STEAP3: variants seen among roughly 807,000 people sequenced by gnomAD.
The protein encoded by STEAP3 is STEAP3 metalloreductase.
STEAP3 carries 35 observed loss-of-function variants against 34.9 expected under a neutral mutation model. That is an observed-to-expected ratio of 1.00 (90% CI 0.76 to 1.33). The LOEUF (loss-of-function observed/expected upper bound fraction) is 1.33. Ranked by LOEUF, STEAP3 falls within the 40% of genes most tolerant of loss-of-function variation. The probability of loss-of-function intolerance (pLI) is 0.00; values close to 1 mark genes in which losing one functional copy is unlikely to be tolerated. For synonymous variants in STEAP3, 281 were observed against 301.6 expected, an observed-to-expected ratio of 0.93 and a Z score of 0.71; for missense variants, 652 against 667.6, an observed-to-expected ratio of 0.98 and a Z score of 0.26.
At chr2:119,227,107 C>A (rs1203158243) in intron 1 of STEAP3, among the ~76,000 whole-genome samples, 1 of 152,206 alleles carries the variant, frequency 6.6e-6, no homozygotes, top group Admixed American at 6.5e-5. Flanking sequence ...TCAACCACCC[C>A]ACAAACACCC....
Position 119,245,912 on chromosome 2 carries a change from C to G in STEAP3, c.446C>G (p.Thr149Ser). The stretch of plus-strand genomic sequence containing the variant: ...GAGTACCTGGCCTCCCTCTTCCCCA[C>G]TTGCACAGTGGTCAAGGCCTTCAAT... ...NAEYLASLFP[T>S]CTVVKAFNVI... The change falls in exon 3 of 6, where the codon ACT (threonine) becomes AGT (serine). Residue 149 changes from threonine to serine, a missense_variant. Thr to Ser is a moderately conservative substitution (Grantham distance 58). Transcript: ENST00000393110. The G allele has an allele frequency of 1.2e-6, 2 of 1,613,986 alleles. No homozygotes were observed. Among genetic ancestry groups the G allele is most frequent in the Non-Finnish European group, 1.7e-6 (2 of 1,180,034 alleles).
chr2:119,256,626 A>G (rs549688433), intron 5 of STEAP3, among the ~76,000 whole-genome samples: 26 of 152,350 alleles, frequency 1.7e-4, no homozygotes, highest in African/African-American at 6.3e-4. Context: ...GGAAATACAA[A>G]TAGGACAGTC....
intron 4 of STEAP3, among the ~76,000 whole-genome samples, chr2:119,250,370 G>A (rs1405396558): frequency 6.6e-6 from 1 of 152,226 alleles, no homozygotes; most frequent in African/African-American, 2.4e-5. Context: ...CAAAGATCTT[G>A]ACCTTGAGCA....
intron 5 of STEAP3, among the ~76,000 whole-genome samples, chr2:119,261,540 C>G (rs1266860919): frequency 6.6e-6 from 1 of 152,118 alleles, no homozygotes; most frequent in African/African-American, 2.4e-5. Flanking sequence ...GCTCTCGGTG[C>G]CCTCTGCTGT....
In STEAP3 at chr2:119,254,750, C is replaced by G; in HGVS notation, c.1117C>G (p.Leu373Val). Residue 373 changes from leucine to valine, a missense_variant, in exon 5 of 6, where the codon CTG (leucine) becomes GTG (valine). Transcript: ENST00000393110. ...CTGGCGGATGGAGATCTACCTCTCC[C>G]TGGGAGTGCTGGCCCTCGGCACGTT... is the stretch of plus-strand genomic sequence containing the variant. ...EVWRMEIYLS[L>V]GVLALGTLSL... 6.2e-7 allele frequency: 1 copy of G among 1,614,174 alleles called. No homozygotes were observed. The highest frequency in any genetic ancestry group is 8.5e-7 in the Non-Finnish European group (1 of 1,180,014).
rs1558761533 is a variant in STEAP3, at chr2:119,263,434, G to GGAGAT, written c.*96_*97insGAGAT. Reference sequence around the variant, plus strand: ...CTTGGTGGTGCAAAGTGGTATAACTGTGTGCAAATAGGAGGTTTGAGGTCC... The same window carrying GGAGAT: ...CTTGGTGGTGCAAAGTGGTATAACTGGAGATTGTGCAAATAGGAGGTTTGAGGTCC... On this transcript the variant is annotated 3_prime_UTR_variant, in exon 6 of 6. Transcript: ENST00000393110. The GGAGAT allele has an allele frequency of 6.6e-7, 1 of 1,524,842 alleles. No homozygotes were observed. Among genetic ancestry groups the GGAGAT allele is most frequent in the African/African-American group, 1.4e-5 (1 of 72,772 alleles). 94.5% of individuals were successfully genotyped at this position (1,524,842 alleles called of 1,614,324 possible). A position where few individuals can be genotyped will look rare whatever the true frequency, so the allele number is the denominator to read the frequency against.
intron 2 of STEAP3, among the ~76,000 whole-genome samples, chr2:119,232,609 A>G (rs1307204657): frequency 6.6e-6 from 1 of 152,218 alleles, no homozygotes; most frequent in Non-Finnish European, 1.5e-5. Flanking sequence ...TCTTATTTGC[A>G]TAAAATGTGC....
At chr2:119,242,178 G>A (rs754696015) in intron 2 of STEAP3, among the ~76,000 whole-genome samples, 6 of 152,210 alleles carry the variant, frequency 3.9e-5, no homozygotes, top group Non-Finnish European at 8.8e-5. Flanking sequence ...CAGGCAGCGG[G>A]GAGAGGGCAG....
chr2:119,224,964 G>T lies in STEAP3; in HGVS notation c.-394+1076G>T, dbSNP rs115355598. Among the ~76,000 whole-genome samples the T allele has an allele frequency of 6.7e-3, 1,014 of 152,278 alleles. 15 individuals carry two copies. Among genetic ancestry groups the T allele is most frequent in the African/African-American group, 0.023 (964 of 41,552 alleles). On this transcript the variant is annotated intron_variant, in intron 1 of 5. Transcript: ENST00000393110. ...CTAGGAAGTTGCAGAAGTAGAATTT[G>T]AACCCAGAGTTATCTGACTTGGAGC... is the stretch of plus-strand genomic sequence containing the variant.
intron 1 of STEAP3, among the ~76,000 whole-genome samples, chr2:119,228,466 G>A (rs1281893143): frequency 3.3e-5 from 5 of 152,222 alleles, no homozygotes; most frequent in Admixed American, 6.5e-5. Context: ...CCCCAACCTG[G>A]GTGAAAGGCC....
chr2:119,257,531 C>G, intron 5 of STEAP3: 2 of 1,544,970 alleles, frequency 1.3e-6, no homozygotes, highest in South Asian at 2.4e-5. Context: ...AAGACCCCCA[C>G]TTACCTGCCC....
At chr2:119,241,708 C>T (rs974958538) in intron 2 of STEAP3, among the ~76,000 whole-genome samples, 1 of 152,174 alleles carries the variant, frequency 6.6e-6, no homozygotes, top group Non-Finnish European at 1.5e-5. Flanking sequence ...CTGCAGCGGC[C>T]TCCATATCAG....
At chr2:119,235,704 TAGAC>T (rs912076187) in intron 2 of STEAP3, among the ~76,000 whole-genome samples, 2 of 152,220 alleles carry the variant, frequency 1.3e-5, no homozygotes, top group African/African-American at 2.4e-5. Context: ...GGGGAGAAGA[TAGAC>T]AGGAAAGAAA....
Position 119,245,503 on chromosome 2 carries a change from G to C in STEAP3, c.37G>C (p.Glu13Gln). ...HQPAVATKMP[E>Q]EMDKPLISLH... ...TTCTCTTGCAGCCACCAAAATGCCA[G>C]AAGAGATGGACAAGCCACTGATCAG... The change falls in exon 3 of 6, where the codon GAA becomes CAA. Residue 13 changes from glutamate (E) to glutamine (Q), a missense_variant. Coordinates refer to ENST00000393110, the MANE Select transcript of STEAP3 (RefSeq NM_182915.3). 6.3e-7 allele frequency: 1 copy of C among 1,585,742 alleles called. No individual in the cohort carries two copies. Among genetic ancestry groups the C allele is most frequent in the Non-Finnish European group, 8.6e-7 (1 of 1,159,566 alleles).
rs539928213 is a variant in STEAP3, at chr2:119,238,703, G to T, written c.23-6786G>T. On this transcript the variant is annotated intron_variant, in intron 2 of 5. Transcript: ENST00000393110. The stretch of plus-strand genomic sequence containing the variant: ...CGCCCACAAAGTCCTGAGGATGAGA[G>T]AAGAGGCAGAGCTTACACAAAGGCT... Among the ~76,000 whole-genome samples, 3 of 152,324 alleles carry T rather than the reference G, an allele frequency of 2.0e-5. No individual in the cohort carries two copies. In the East Asian group the frequency reaches 5.8e-4, roughly 29 times the overall value.
intron 1 of STEAP3, among the ~76,000 whole-genome samples, chr2:119,228,246 G>A (rs1679102907): frequency 6.6e-6 from 1 of 152,184 alleles, no homozygotes; most frequent in South Asian, 2.1e-4. Context: ...CAGGGCAAGT[G>A]TCTCTCTGAA....
intron 5 of STEAP3, among the ~76,000 whole-genome samples, chr2:119,260,320 C>CCT (rs1677903575): frequency 7.2e-6 from 1 of 137,978 alleles, no homozygotes; most frequent in Non-Finnish European, 1.5e-5. Flanking sequence ...TTTTTTTTTT[C>CCT]TTTTTTTTTG....
intron 2 of STEAP3, among the ~76,000 whole-genome samples, chr2:119,241,233 G>A (rs1218866179): frequency 6.6e-6 from 1 of 152,160 alleles, no homozygotes; most frequent in Non-Finnish European, 1.5e-5. Flanking sequence ...CTAAGGCACA[G>A]AGGAGCTATG....
chr2:119,256,122 G>T (rs1413706250), intron 5 of STEAP3, among the ~76,000 whole-genome samples: 1 of 152,240 alleles, frequency 6.6e-6, no homozygotes, highest in East Asian at 1.9e-4. Context: ...TCTGTGCAGG[G>T]AGGACGTGGT....
Sources: gnomAD v4.1 joint callset for allele counts (sites outside exome capture counted in the v4.1 genomes callset) on GRCh38, gnomAD v4.1.1 for gene constraint, MANE v1.5 for transcripts, NCBI Gene and HGNC (gene_info 2026-07-23, HGNC 2026-07-21) for gene names.